NRIP1: variants seen among roughly 807,000 people sequenced by gnomAD.
NRIP1 encodes the protein nuclear receptor interacting protein 1.
Under a neutral mutation model 75.0 loss-of-function variants are expected in NRIP1, and 28 were observed. The ratio of observed to expected loss-of-function variants is 0.37; its 90% CI spans 0.28 to 0.51. The LOEUF (loss-of-function observed/expected upper bound fraction) is 0.51, where lower values mean the gene tolerates loss of function less well. Ranked by LOEUF, NRIP1 falls within the 20% of genes least tolerant of loss-of-function variation. The pLI is 0.92. For missense variants in NRIP1, 1,435 were observed against 1,343.7 expected (o/e 1.07, Z -1.06); for synonymous variants, 526 against 487.6 (o/e 1.08, Z -1.04).
chr21:15,048,467 T>TC (rs1025904157), intron 1 of NRIP1, among the ~76,000 whole-genome samples: 7 of 152,132 alleles, frequency 4.6e-5, no homozygotes, highest in African/African-American at 1.4e-4. Flanking sequence ...GGCAGGATGT[T>TC]CCCAAAATCT....
intron 2 of NRIP1, among the ~76,000 whole-genome samples, chr21:15,024,412 GTC>G (rs1230570366): frequency 4.6e-5 from 7 of 152,000 alleles, no homozygotes; most frequent in African/African-American, 1.4e-4. Flanking sequence ...TGTGGTGGCA[GTC>G]ACCTGTAATC....
chr21:15,026,196 T>TA, intron 2 of NRIP1, among the ~76,000 whole-genome samples: 1 of 152,104 alleles, frequency 6.6e-6, no homozygotes, highest in Non-Finnish European at 1.5e-5. Context: ...TACAAATGCA[T>TA]AAAAAAACAG....
chr21:14,968,516 A>G lies in NRIP1; in HGVS notation c.-324T>C, dbSNP rs1407704150. On this transcript the variant is annotated 5_prime_UTR_variant, in exon 4 of 4. Transcript: ENST00000318948. ...ATCTTTTGTTCCCCATTAAATGCAA[A>G]TATCAGTGTTCTAAAAAAAATAAAA... 4.5e-6 allele frequency: 1 copy of G among 224,468 alleles called. No individual in the cohort carries two copies. The highest frequency in any genetic ancestry group is 2.3e-5 in the African/African-American group (1 of 43,330). 13.9% of individuals were successfully genotyped at this position (224,468 alleles called of 1,614,324 possible). A position where few individuals can be genotyped will look rare whatever the true frequency, so the allele number is the denominator to read the frequency against.
chr21:14,973,348 T>C (rs901792715), intron 3 of NRIP1, among the ~76,000 whole-genome samples: 1 of 152,086 alleles, frequency 6.6e-6, no homozygotes, highest in African/African-American at 2.4e-5. Context: ...AAGGAAAAAC[T>C]TAGTTTACAA....
In NRIP1 at chr21:14,965,845, C is replaced by T. The variant is rs547633405; in HGVS notation, c.2348G>A (p.Gly783Asp). The T allele has an allele frequency of 1.2e-6, 2 of 1,614,000 alleles. No homozygotes were observed. The highest frequency in any genetic ancestry group is 2.7e-5 in the African/African-American group (2 of 75,022). The change falls in exon 4 of 4, where the codon GGT becomes GAT. Residue 783 changes from glycine to aspartate, a missense_variant. Transcript: ENST00000318948. ...SHDAKSAPFL[G>D]MAPAVQRSAP... is the part of the protein sequence containing the mutation. ...GCTTCTCTGCACAGCAGGAGCCATACCCAAGAATGGGGCACTCTTAGCATC... is the reference window on the plus strand; with the variant it reads ...GCTTCTCTGCACAGCAGGAGCCATATCCAAGAATGGGGCACTCTTAGCATC...
rs1402560463 is a variant in NRIP1 at position 14,963,615 on chromosome 21, C to T, written c.*1101G>A. 2.6e-5 allele frequency: 4 copies of T among 152,118 alleles called. No individual in the cohort carries two copies. Among genetic ancestry groups the T allele is most frequent in the Admixed American group, 6.6e-5 (1 of 15,244 alleles). The allele number at this position is 152,118 out of a possible 1,614,324, so 9.4% of individuals were successfully genotyped here. A position where few individuals can be genotyped will look rare whatever the true frequency, so the allele number is the denominator to read the frequency against. Reference sequence around the variant, plus strand: ...TCATGTTCTGAGGAAAGTCATAAGTCATGGTTCTCAAACACAAGAAACACC... The same window carrying T: ...TCATGTTCTGAGGAAAGTCATAAGTTATGGTTCTCAAACACAAGAAACACC... On this transcript the variant is annotated 3_prime_UTR_variant, in exon 4 of 4. Coordinates refer to ENST00000318948, the MANE Select transcript of NRIP1 (RefSeq NM_003489.4).
At chr21:15,007,762 A>T (rs2088006780) in intron 3 of NRIP1, among the ~76,000 whole-genome samples, 7 of 152,222 alleles carry the variant, frequency 4.6e-5, no homozygotes. Flanking sequence ...TAATGAGAAA[A>T]AAAATTAACT....
chr21:15,005,470 T>G (rs569046089), intron 3 of NRIP1, among the ~76,000 whole-genome samples: 44 of 152,246 alleles, frequency 2.9e-4, no homozygotes, highest in Non-Finnish European at 5.4e-4. Context: ...ATAATTTTTT[T>G]GTTGTTGTTG....
chr21:15,022,180 G>A (rs980361251), intron 2 of NRIP1, among the ~76,000 whole-genome samples: 1 of 152,128 alleles, frequency 6.6e-6, no homozygotes, highest in African/African-American at 2.4e-5. Flanking sequence ...AGAAAATGTG[G>A]TACATATATA....
At position 15,035,250 on chromosome 21, in the gene NRIP1, T is replaced by C. The variant is rs1600905613; in HGVS notation, c.-458+8245A>G. 2.6e-5 allele frequency among the ~76,000 whole-genome samples: 4 copies of C among 152,192 alleles called. No homozygotes were observed. The South Asian group carries it at 8.3e-4, about 31-fold the overall frequency. ...TTTTTAAAAAAATAACAATTACCTC[T>C]GCTTTTTCTGAAGAGAAAACAGGAA... is the stretch of plus-strand genomic sequence containing the variant. On this transcript the variant is annotated intron_variant, in intron 2 of 3. Coordinates refer to ENST00000318948, the MANE Select transcript of NRIP1 (RefSeq NM_003489.4).
chr21:15,010,072 T>C (rs2088066483), intron 3 of NRIP1, among the ~76,000 whole-genome samples: 1 of 152,094 alleles, frequency 6.6e-6, no homozygotes, highest in African/African-American at 2.4e-5. Context: ...TTTAAATAAA[T>C]AAATGCAAAA....
chr21:14,967,728 C>G lies in NRIP1; in HGVS notation c.465G>C (p.Gln155His). ...GGGCATATCCTTGCTCCTTGAGGCT[C>G]TGCCTGATTTGTTGTGACAGAGCAA... ...QTVALSQQIR[Q>H]SLKEQGYALS... Residue 155 changes from glutamine (Q) to histidine (H), a missense_variant, in exon 4 of 4, where the codon CAG becomes CAC. Transcript: ENST00000318948. 1 of 1,614,182 alleles carries G rather than the reference C, an allele frequency of 6.2e-7. No individual in the cohort carries two copies. The highest frequency in any genetic ancestry group is 8.5e-7 in the Non-Finnish European group (1 of 1,180,034).
At chr21:14,979,749 C>T (rs2776041) in intron 3 of NRIP1, among the ~76,000 whole-genome samples, 29,556 of 151,890 alleles carry the variant, frequency 0.19, 3,156 homozygotes, top group Non-Finnish European at 0.24. Flanking sequence ...CTCCTGACCT[C>T]GTGATCCACC....
intron 1 of NRIP1, among the ~76,000 whole-genome samples, chr21:15,043,999 A>C (rs552516624): frequency 6.6e-6 from 1 of 152,144 alleles, no homozygotes; most frequent in East Asian, 1.9e-4. Flanking sequence ...TTGTATTTTT[A>C]GTAGAGACGA....
chr21:15,053,724 T>C (rs2089249553), intron 1 of NRIP1, among the ~76,000 whole-genome samples: 1 of 152,178 alleles, frequency 6.6e-6, no homozygotes, highest in Admixed American at 6.5e-5. Flanking sequence ...CTTCATATAT[T>C]AGTCCATTAG....
chr21:15,045,045 C>T (rs1159627094), intron 1 of NRIP1, among the ~76,000 whole-genome samples: 3 of 152,178 alleles, frequency 2.0e-5, no homozygotes, highest in South Asian at 2.1e-4. Context: ...TTAATTACTA[C>T]ACACACATGC....
intron 3 of NRIP1, among the ~76,000 whole-genome samples, chr21:14,987,669 C>T (rs551978321): frequency 2.0e-5 from 3 of 152,276 alleles, no homozygotes; most frequent in South Asian, 2.1e-4. Flanking sequence ...TGTCACTGAC[C>T]GTTGATTCCT....
At chr21:15,020,269 G>T (rs1205857978) in intron 2 of NRIP1, among the ~76,000 whole-genome samples, 3 of 152,094 alleles carry the variant, frequency 2.0e-5, no homozygotes, top group Non-Finnish European at 4.4e-5. Context: ...ATAGACAATG[G>T]AACAGAATAG....
chr21:15,011,277 C>T (rs1381087288), intron 3 of NRIP1, among the ~76,000 whole-genome samples: 2 of 152,240 alleles, frequency 1.3e-5, no homozygotes, highest in South Asian at 4.1e-4. Flanking sequence ...GCAAGCTCCA[C>T]CTCCCGGGTT....
Sources: allele counts gnomAD v4.1 joint callset (sites outside exome capture counted in the v4.1 genomes callset), GRCh38; gene constraint gnomAD v4.1.1; transcripts MANE v1.5; gene names NCBI Gene and HGNC (gene_info 2026-07-23, HGNC 2026-07-21).